TWIST2: variants seen among roughly 807,000 people sequenced by gnomAD.
TWIST2 encodes twist-related protein 2.
Under a neutral mutation model 11.6 loss-of-function variants are expected in TWIST2, and 1 was observed. The ratio of observed to expected loss-of-function variants is 0.09; its 90% CI spans 0.03 to 0.41. The LOEUF (loss-of-function observed/expected upper bound fraction) is 0.41, where lower values mean the gene tolerates loss of function less well. Ranked by LOEUF, TWIST2 falls within the 10% of genes least tolerant of loss-of-function variation. TWIST2 has a pLI of 0.98. For synonymous variants in TWIST2, 87 were observed against 96.6 expected, an observed-to-expected ratio of 0.90 and a Z score of 0.58; for missense variants, 168 against 226.4, an observed-to-expected ratio of 0.74 and a Z score of 1.66.
At chr2:238,855,931 T>C (rs1415645570) in intron 1 of TWIST2, among the ~76,000 whole-genome samples, 1 of 152,198 alleles carries the variant, frequency 6.6e-6, no homozygotes, top group Non-Finnish European at 1.5e-5. Flanking sequence ...TTTCTAAAAG[T>C]ATTGTTTCAC....
chr2:238,857,593 C>T (rs1358237853), intron 1 of TWIST2, among the ~76,000 whole-genome samples: 2 of 151,756 alleles, frequency 1.3e-5, no homozygotes, highest in Non-Finnish European at 2.9e-5. Flanking sequence ...TTGTCTGTCT[C>T]GTAAAGCATC....
At chr2:238,857,710 G>A (rs188489322) in intron 1 of TWIST2, among the ~76,000 whole-genome samples, 12 of 152,212 alleles carry the variant, frequency 7.9e-5, no homozygotes, top group Admixed American at 4.6e-4. Flanking sequence ...GCCAAGGTGG[G>A]TGGATTACCT....
intron 1 of TWIST2, among the ~76,000 whole-genome samples, chr2:238,896,216 C>G (rs978767836): frequency 2.0e-4 from 30 of 152,330 alleles, no homozygotes; most frequent in African/African-American, 6.7e-4. Context: ...TACTGACCCT[C>G]CAGACCCTGA....
At chr2:238,860,132 C>A (rs770689539) in intron 1 of TWIST2, among the ~76,000 whole-genome samples, 1 of 152,138 alleles carries the variant, frequency 6.6e-6, no homozygotes, top group East Asian at 1.9e-4. Context: ...CTCGGTGGAC[C>A]GCTTCAGGCT....
chr2:238,882,970 C>T (rs1692964367), intron 1 of TWIST2, among the ~76,000 whole-genome samples: 1 of 152,116 alleles, frequency 6.6e-6, no homozygotes, highest in South Asian at 2.1e-4. Context: ...GATGTCTGAG[C>T]CCTTCCTGAT....
chr2:238,859,519 G>A (rs1254354443), intron 1 of TWIST2, among the ~76,000 whole-genome samples: 2 of 151,294 alleles, frequency 1.3e-5, no homozygotes, highest in African/African-American at 4.9e-5. Context: ...ATTCCACTAT[G>A]CTTTAAAAGC....
intron 1 of TWIST2, among the ~76,000 whole-genome samples, chr2:238,896,272 G>A (rs1273049009): frequency 6.6e-6 from 1 of 152,188 alleles, no homozygotes; most frequent in Non-Finnish European, 1.5e-5. Flanking sequence ...TGCCTGCCGT[G>A]CCATCAAAGC....
At chr2:238,896,833 T>C (rs1161134817) in intron 1 of TWIST2, among the ~76,000 whole-genome samples, 1 of 152,088 alleles carries the variant, frequency 6.6e-6, no homozygotes, top group Non-Finnish European at 1.5e-5. Context: ...TCCTTGTCAC[T>C]CACCAGCCTG....
chr2:238,873,120 G>T (rs1442424218), intron 1 of TWIST2, among the ~76,000 whole-genome samples: 1 of 152,214 alleles, frequency 6.6e-6, no homozygotes, highest in African/African-American at 2.4e-5. Flanking sequence ...AGAAGACAAG[G>T]ATGCCTCCTC....
chr2:238,889,767 T>TACTC lies in TWIST2; in HGVS notation c.*36-20073_*36-20070dup, dbSNP rs1441728096. 6.6e-5 allele frequency among the ~76,000 whole-genome samples: 10 copies of TACTC among 152,348 alleles called. No homozygotes were observed. The South Asian group carries it at 2.1e-3, about 32-fold the overall frequency. ...GTAAATGACGGCTCTGATGCTCTGA[T>TACTC]ACTCAGTGCGTTCATTACAGATTTC... On this transcript the variant is annotated intron_variant, in intron 1 of 1. Transcript: ENST00000612363.
chr2:238,882,832 A>G (rs1226939289), intron 1 of TWIST2, among the ~76,000 whole-genome samples: 3 of 152,128 alleles, frequency 2.0e-5, no homozygotes. Flanking sequence ...TTCTTTCAAC[A>G]AAGTCAAAGG....
intron 1 of TWIST2, among the ~76,000 whole-genome samples, chr2:238,861,285 A>T (rs1000382771): frequency 2.6e-5 from 4 of 152,154 alleles, no homozygotes; most frequent in African/African-American, 7.2e-5. Context: ...CGATATTCAC[A>T]TTCGTAGCAC....
chr2:238,906,265 CAAA>C (rs1693353055), intron 1 of TWIST2, among the ~76,000 whole-genome samples: 1 of 151,786 alleles, frequency 6.6e-6, no homozygotes, highest in South Asian at 2.1e-4. Flanking sequence ...CACACCCACA[CAAA>C]AACATGCACA....
intron 1 of TWIST2, among the ~76,000 whole-genome samples, chr2:238,854,339 A>G (rs1385189370): frequency 6.6e-6 from 1 of 152,206 alleles, no homozygotes; most frequent in Non-Finnish European, 1.5e-5. Flanking sequence ...AATTTGACAG[A>G]CGGTTCACCT....
intron 1 of TWIST2, among the ~76,000 whole-genome samples, chr2:238,900,152 G>T (rs1464982139): frequency 2.0e-5 from 3 of 152,192 alleles, no homozygotes; most frequent in African/African-American, 7.2e-5. Context: ...TGGTCCACAT[G>T]TCTGATGGCT....
intron 1 of TWIST2, among the ~76,000 whole-genome samples, chr2:238,889,631 T>C (rs1693097390): frequency 6.6e-6 from 1 of 152,220 alleles, no homozygotes; most frequent in Admixed American, 6.5e-5. Context: ...TTGTATTTAT[T>C]CCTTCATAGT....
intron 1 of TWIST2, among the ~76,000 whole-genome samples, chr2:238,878,640 C>T (rs1692850758): frequency 6.6e-6 from 1 of 152,234 alleles, no homozygotes. Context: ...TTGTGCTCCT[C>T]ATGTTAACCT....
rs553280867 is a variant in TWIST2 at position 238,883,946 on chromosome 2, C to T, written c.*36-25896C>T. Among the ~76,000 whole-genome samples, 221 of 152,202 alleles carry T rather than the reference C, an allele frequency of 1.5e-3. 3 individuals carry two copies. The highest frequency in any genetic ancestry group is 6.2e-3 in the East Asian group (32 of 5,174). On this transcript the variant is annotated intron_variant, in intron 1 of 1. Coordinates refer to ENST00000612363, the MANE Select transcript of TWIST2 (RefSeq NM_001271893.4). Reference sequence around the variant, plus strand: ...GAGTCGTGAGCCGCGCTGTGGTTTCCGTCCTTCCTTCTCCTCTGCATTAAA... The same window carrying T: ...GAGTCGTGAGCCGCGCTGTGGTTTCTGTCCTTCCTTCTCCTCTGCATTAAA...
chr2:238,905,840 AGTGTGT>A (rs1167633014), intron 1 of TWIST2, among the ~76,000 whole-genome samples: 2 of 115,436 alleles, frequency 1.7e-5, no homozygotes, highest in South Asian at 2.7e-4. Context: ...CTTTGAAAAA[AGTGTGT>A]GTGTGTGTGC....
Sources: gnomAD v4.1 joint callset for allele counts (sites outside exome capture counted in the v4.1 genomes callset) on GRCh38, gnomAD v4.1.1 for gene constraint, MANE v1.5 for transcripts, NCBI Gene and HGNC (gene_info 2026-07-23, HGNC 2026-07-21) for gene names.